Variants in ACTN3 observed in about 807,000 individuals in gnomAD.
The protein encoded by ACTN3 is actinin alpha 3, also known as alpha-actinin-3.
A neutral mutation model predicts 119.6 loss-of-function variants in ACTN3; 91 were observed. The ratio of observed to expected loss-of-function variants is 0.76; its 90% CI spans 0.64 to 0.91. The LOEUF is 0.91. Among genes scored for constraint, ACTN3 ranks in the 40% least tolerant of loss-of-function variants. ACTN3 has a pLI of 0.00. For synonymous variants in ACTN3, 456 were observed against 478.8 expected, an observed-to-expected ratio of 0.95 and a Z score of 0.62; for missense variants, 1,221 against 1,215.1, an observed-to-expected ratio of 1.00 and a Z score of -0.07.
chr11:66,560,861 G>A (rs1207946836), intron 15 of ACTN3, 106 bp downstream of exon 15: 2 of 1,290,726 alleles, frequency 1.5e-6, no homozygotes, highest in Admixed American at 2.1e-5. Flanking sequence ...CTTCAGATGT[G>A]GGGTCTGCCA....
At chr11:66,546,825 C>T, upstream of ACTN3, 4 of 1,527,276 alleles carry the variant, frequency 2.6e-6, no homozygotes, top group Non-Finnish European at 3.5e-6. Context: ...CGGCCCCTCC[C>T]TCCTCCCCCA....
At chr11:66,551,017 C>T (rs781472793) in intron 1 of ACTN3, 1 of 658,152 alleles carries the variant, frequency 1.5e-6, no homozygotes, top group South Asian at 1.5e-5. Context: ...GAACTGGGAC[C>T]TGCATGGGTC....
At chr11:66,560,795 A>T in intron 15 of ACTN3, 40 bp downstream of exon 15, 1 of 1,567,960 alleles carries the variant, frequency 6.4e-7, no homozygotes, top group Non-Finnish European at 8.7e-7. Context: ...CCCCTCCTGC[A>T]TACTGTGACC....
chr11:66,555,650 G>T (rs1857576849), intron 7 of ACTN3, among the ~76,000 whole-genome samples: 1 of 152,186 alleles, frequency 6.6e-6, no homozygotes. Context: ...CCCAAGACTG[G>T]CAGCTCCCCT....
chr11:66,561,270 A>T lies in ACTN3; in HGVS notation c.1904A>T (p.Glu635Val), dbSNP rs2229456. ...AGCTGTGACCAGACACTGCAGGAGG[A>T]GCTGGCACGGCAGCAGGTAAACGAG... ...VPSCDQTLQEELARQQVNERL... is the reference protein window; with the variant it reads ...VPSCDQTLQEVLARQQVNERL... The change falls in exon 16 of 21, where the codon GAG becomes GTG. Residue 635 changes from glutamate (E) to valine (V), a missense_variant. This residue lies in a region of ACTN3 where 934 missense variants were observed against 899.9 expected (regional missense o/e 1.04). Transcript: ENST00000513398. 2.9e-5 allele frequency: 47 copies of T among 1,601,142 alleles called. No individual in the cohort carries two copies. In the African/African-American group the frequency reaches 5.7e-4, roughly 20 times the overall value.
intron 15 of ACTN3, 140 bp from the exon 16 acceptor site, chr11:66,561,087 T>C: frequency 1.6e-6 from 2 of 1,223,512 alleles, no homozygotes; most frequent in Non-Finnish European, 2.2e-6. Flanking sequence ...GTTAGTGACT[T>C]GCCCAAGAGC....
rs773302903 is a variant in ACTN3 at position 66,560,675 on chromosome 11, C to T, written c.1780C>T (p.Gln594Ter). Residue 594 changes from glutamine (Q) to a stop codon, truncating the protein, a stop_gained, in exon 15 of 21, where the codon CAG (glutamine) becomes TAG (stop). Transcript: ENST00000513398. LOFTEE classifies it high-confidence loss of function. ...GIQGEIQKICQTYGLRPCSTN... is the reference protein window; with the variant it reads ...GIQGEIQKIC ...CCAGGGTGAGATCCAGAAGATCTGC[C>T]AGACGTATGGGCTGCGGCCCTGCTC... is the stretch of plus-strand genomic sequence containing the variant. 1.9e-6 allele frequency: 3 copies of T among 1,613,936 alleles called. No homozygotes were observed. Among genetic ancestry groups the T allele is most frequent in the Non-Finnish European group, 2.5e-6 (3 of 1,179,870 alleles).
Position 66,562,817 on chromosome 11 carries a change from A to G in ACTN3, c.2410A>G (p.Ile804Val), listed in dbSNP as rs1340913656. The part of the protein sequence containing the change: ...YDLGEVEFAR[I>V]MTMVDPNAAG... ...GCAGGGGGAAGTGGAGTTTGCTCGC[A>G]TCATGACCATGGTGGACCCCAACGC... Residue 804 changes from isoleucine (I) to valine (V), a missense_variant, in exon 20 of 21, where the codon ATC becomes GTC. Ile to Val is a conservative substitution (Grantham distance 29, BLOSUM62 3). Coordinates refer to ENST00000513398, the MANE Select transcript of ACTN3 (RefSeq NM_001104.4). 6.2e-7 allele frequency: 1 copy of G among 1,612,456 alleles called. No individual in the cohort carries two copies. The highest frequency in any genetic ancestry group is 1.1e-5 in the South Asian group (1 of 90,894).
rs1173225678 is a variant in ACTN3, at chr11:66,560,089, G to C, written c.1536+13G>C. 39 of 1,552,058 alleles carry C rather than the reference G, an allele frequency of 2.5e-5. No homozygotes were observed. Among genetic ancestry groups the C allele is most frequent in the Admixed American group, 5.8e-5 (3 of 51,442 alleles). On this transcript the variant is annotated intron_variant, in intron 13 of 20. Transcript: ENST00000513398. ...GGATGCGCTAGAGGTGGGGCTGGGG[G>C]CCGGGGAGCTGGGGGGTGGGTAGGT...
rs774543978 is a variant in ACTN3 at position 66,563,023 on chromosome 11, T to C, written c.2548-12T>C. The C allele has an allele frequency of 1.9e-6, 3 of 1,609,220 alleles. No homozygotes were observed. Among genetic ancestry groups the C allele is most frequent in the Admixed American group, 3.4e-5 (2 of 59,694 alleles). On this transcript the variant is annotated splice_polypyrimidine_tract_variant and intron_variant, in intron 20 of 20. Transcript: ENST00000513398. ...ACGGGACCTGTGGGTCCTCAACGCC[T>C]CTTCTCCCCAGAACTACATCACCCC... is the stretch of plus-strand genomic sequence containing the variant.
intron 16 of ACTN3, 42 bp downstream of exon 16, chr11:66,561,403 C>A (rs1857759631): frequency 6.2e-7 from 1 of 1,606,708 alleles, no homozygotes; most frequent in Non-Finnish European, 8.5e-7. Context: ...GGGATGGGGC[C>A]AGGGCTGGGC....
In ACTN3 at chr11:66,556,135, C is replaced by T. The variant is rs1268513477; in HGVS notation, c.719-10C>T. On this transcript the variant is annotated splice_polypyrimidine_tract_variant and intron_variant, in intron 7 of 20. Transcript: ENST00000513398. ...CTTTGGCCAGTAGACACCGTGCTGT[C>T]CTCCCCTAGACATTGTGAACACCCC... is the stretch of plus-strand genomic sequence containing the variant. 4 of 1,610,774 alleles carry T rather than the reference C, an allele frequency of 2.5e-6. No homozygotes were observed. The highest frequency in any genetic ancestry group is 1.1e-5 in the South Asian group (1 of 90,604).
At position 66,559,352 on chromosome 11, in the gene ACTN3, G is replaced by T; in HGVS notation, c.1393G>T (p.Val465Leu). The T allele has an allele frequency of 6.4e-7, 1 of 1,566,600 alleles. No homozygotes were observed. Among genetic ancestry groups the T allele is most frequent in the Non-Finnish European group, 8.6e-7 (1 of 1,160,378 alleles). The change falls in exon 12 of 21, where the codon GTG becomes TTG. Residue 465 changes from valine to leucine, a missense_variant. This residue lies in a region of ACTN3 where 934 missense variants were observed against 899.9 expected (regional missense o/e 1.04). Transcript: ENST00000513398. Reference protein sequence around the residue: ...ESDLAAHQDRVEHIAALAQEL... With the variant: ...ESDLAAHQDRLEHIAALAQEL... The stretch of plus-strand genomic sequence containing the variant: ...CGACCTGGCGGCGCACCAGGACCGC[G>T]TGGAGCACATTGCCGCGCTGGCCCA...
rs61393902 is a variant in ACTN3 at position 66,549,732 on chromosome 11, CA to C, written c.148-1484del. Among the ~76,000 whole-genome samples the C allele has an allele frequency of 7.3e-3, 312 of 43,014 alleles. 1 individual carries two copies. Among genetic ancestry groups the C allele is most frequent in the African/African-American group, 0.029 (291 of 10,044 alleles). 28.2% of individuals were successfully genotyped at this position (43,014 alleles called of 152,430 possible). A position where few individuals can be genotyped will look rare whatever the true frequency, so the allele number is the denominator to read the frequency against. On this transcript the variant is annotated intron_variant, in intron 1 of 20. Coordinates refer to ENST00000513398, the MANE Select transcript of ACTN3 (RefSeq NM_001104.4). ...GGCAACAAGCGCGAAACTCTGTCTC[CA>C]AAAAAAAAAAAAAAAAAAAAAAGAG... is the stretch of plus-strand genomic sequence containing the variant.
At chr11:66,548,054 G>A (rs528244694) in intron 1 of ACTN3, among the ~76,000 whole-genome samples, 50 of 152,322 alleles carry the variant, frequency 3.3e-4, no homozygotes, top group East Asian at 1.9e-3. Context: ...CCTGCTCAGC[G>A]TGTGCCAACA....
At chr11:66,552,220 A>C (rs1232516724) in intron 3 of ACTN3, among the ~76,000 whole-genome samples, 2 of 151,954 alleles carry the variant, frequency 1.3e-5, no homozygotes, top group African/African-American at 4.8e-5. Context: ...TCTACTAAAA[A>C]TACGCTGGGT....
intron 5 of ACTN3, 93 bp from the exon 6 acceptor site, chr11:66,555,037 T>C: frequency 8.9e-7 from 1 of 1,128,618 alleles, no homozygotes; most frequent in Non-Finnish European, 1.3e-6. Flanking sequence ...ATTTTACAGA[T>C]GAGGCTGTCC....
intron 3 of ACTN3, among the ~76,000 whole-genome samples, chr11:66,552,295 G>A (rs1478360735): frequency 5.3e-5 from 8 of 151,950 alleles, no homozygotes; most frequent in Admixed American, 2.0e-4. Flanking sequence ...ACTTGAACCC[G>A]GGAGGCCGAG....
At chr11:66,559,909 T>G in intron 12 of ACTN3, 59 bp from the exon 13 acceptor site, 1 of 1,492,394 alleles carries the variant, frequency 6.7e-7, no homozygotes. Flanking sequence ...GCCCTGGGAG[T>G]GCAGTTAGGA....
Sources: allele counts gnomAD v4.1 joint callset (sites outside exome capture counted in the v4.1 genomes callset), GRCh38; gene constraint gnomAD v4.1.1; regional missense constraint gnomAD v4.1.1; transcripts MANE v1.5; gene names NCBI Gene and HGNC (gene_info 2026-07-23, HGNC 2026-07-21).